Variants in PRPF39 observed in about 807,000 individuals in gnomAD.
PRPF39 encodes pre-mRNA-processing factor 39.
In PRPF39, 27 loss-of-function variants were observed where a neutral mutation model predicts 82.1. The observed-to-expected ratio is 0.33, with a 90% CI of 0.24 to 0.45. The LOEUF (loss-of-function observed/expected upper bound fraction) is 0.45. Among genes scored for constraint, PRPF39 ranks in the 20% least tolerant of loss-of-function variants. The pLI is 1.00. For missense variants in PRPF39, 581 were observed against 796.9 expected (o/e 0.73, Z 3.26); for synonymous variants, 261 against 256.4 (o/e 1.02, Z -0.17).
rs779535356 is a variant in PRPF39 at position 45,116,271 on chromosome 14, T to A, written c.*1358T>A. 6.2e-7 allele frequency: 1 copy of A among 1,604,266 alleles called. No homozygotes were observed. The highest frequency in any genetic ancestry group is 8.5e-7 in the Non-Finnish European group (1 of 1,171,252). ...TGGAATTCTGTTGAAGAAGTCAAGG[T>A]ACATTTGATAAAAAGTGCCTCTCCC... On this transcript the variant is annotated 3_prime_UTR_variant, in exon 14 of 14. Coordinates refer to ENST00000355765, the MANE Select transcript of PRPF39 (RefSeq NM_017922.4).
In PRPF39 at chr14:45,108,452, T is replaced by C. The variant is rs749790624; in HGVS notation, c.941T>C (p.Ile314Thr). 13 of 1,596,050 alleles carry C rather than the reference T, an allele frequency of 8.1e-6. No individual in the cohort carries two copies. In the Admixed American group the frequency reaches 1.8e-4, roughly 23 times the overall value. ...TEIENMRHRIIEIHQEMFNYN... is the reference protein window; with the variant it reads ...TEIENMRHRITEIHQEMFNYN... ...ATAGAAAACATGAGACATAGAATCA[T>C]TGAGATTCATCAAGAAATGTTTAAT... Residue 314 changes from isoleucine (I) to threonine (T), a missense_variant, in exon 7 of 14, where the codon ATT becomes ACT. By Grantham distance (89) the Ile-to-Thr change is moderately conservative. Coordinates refer to ENST00000355765, the MANE Select transcript of PRPF39 (RefSeq NM_017922.4).
chr14:45,087,740 A>ATT (rs35926249), intron 1 of PRPF39, among the ~76,000 whole-genome samples: 41 of 123,428 alleles, frequency 3.3e-4, no homozygotes, highest in African/African-American at 7.0e-4. Flanking sequence ...TGCCCGGCTA[A>ATT]TTTTTTTTTT....
intron 5 of PRPF39, among the ~76,000 whole-genome samples, chr14:45,106,884 A>G (rs1884549546): frequency 6.6e-6 from 1 of 152,204 alleles, no homozygotes; most frequent in Admixed American, 6.5e-5. Context: ...TTAATTTTAT[A>G]TATGAGGTAA....
At chr14:45,111,631 CTTTTTTTT>C (rs58863567) in intron 10 of PRPF39, among the ~76,000 whole-genome samples, 7 of 58,804 alleles carry the variant, frequency 1.2e-4, no homozygotes, top group Admixed American at 1.7e-4. Flanking sequence ...TGCACCTGGG[CTTTTTTTT>C]TTTTTTTTTT....
chr14:45,100,960 T>C (rs2035418586), intron 4 of PRPF39, among the ~76,000 whole-genome samples: 1 of 152,210 alleles, frequency 6.6e-6, no homozygotes, highest in Admixed American at 6.5e-5. Context: ...TGTCGTGAGA[T>C]AGACATTAGC....
At chr14:45,114,706 A>G (rs139365465) in intron 13 of PRPF39, 92 bp downstream of exon 13, 119 of 1,456,906 alleles carry the variant, frequency 8.2e-5, no homozygotes, top group Non-Finnish European at 1.1e-4. Flanking sequence ...TTTTGTTCCA[A>G]TTGTGTAATA....
intron 5 of PRPF39, 67 bp downstream of exon 5, chr14:45,102,763 A>T (rs561097332): frequency 1.5e-6 from 2 of 1,375,524 alleles, no homozygotes; most frequent in East Asian, 2.5e-5. Flanking sequence ...ATTAAGTATT[A>T]TAATTATCTT....
chr14:45,090,301 T>C (rs1650051547), intron 1 of PRPF39, among the ~76,000 whole-genome samples: 1 of 152,260 alleles, frequency 6.6e-6, no homozygotes, highest in Non-Finnish European at 1.5e-5. Context: ...TAATCATACA[T>C]TGAACTAGAA....
intron 5 of PRPF39, among the ~76,000 whole-genome samples, chr14:45,103,957 C>T (rs2139055423): frequency 6.6e-6 from 1 of 152,232 alleles, no homozygotes; most frequent in South Asian, 2.1e-4. Flanking sequence ...AGACACTGTG[C>T]TGAGTGCTTT....
intron 4 of PRPF39, among the ~76,000 whole-genome samples, chr14:45,097,886 C>G (rs1884250719): frequency 6.6e-6 from 1 of 152,170 alleles, no homozygotes; most frequent in African/African-American, 2.4e-5. Context: ...AAAGTACCAC[C>G]TCCACCTCCC....
chr14:45,099,016 G>T (rs1884289335), intron 4 of PRPF39, among the ~76,000 whole-genome samples: 1 of 152,176 alleles, frequency 6.6e-6, no homozygotes, highest in Admixed American at 6.5e-5. Context: ...TATAGCTTCT[G>T]CTATTGCTTT....
At chr14:45,114,410 CA>C in intron 12 of PRPF39, 83 bp from the exon 13 acceptor site, 1 of 1,423,318 alleles carries the variant, frequency 7.0e-7, no homozygotes, top group East Asian at 2.3e-5. Flanking sequence ...TTCAGTAAAA[CA>C]AATATACAGA....
At position 45,116,128 on chromosome 14, in the gene PRPF39, T is replaced by C. The variant is rs368824796; in HGVS notation, c.*1215T>C. 17 of 1,046,946 alleles carry C rather than the reference T, an allele frequency of 1.6e-5. No homozygotes were observed. The highest frequency in any genetic ancestry group is 2.5e-5 in the Non-Finnish European group (17 of 671,122). The allele number at this position is 1,046,946 out of a possible 1,614,324, so 64.9% of individuals were successfully genotyped here. ...TACAATAGTAACAAGTTCTAACTAG[T>C]TGTGTAAATTTCTTCAAGGCCAAGT... On this transcript the variant is annotated 3_prime_UTR_variant, in exon 14 of 14. Coordinates refer to ENST00000355765, the MANE Select transcript of PRPF39 (RefSeq NM_017922.4).
Position 45,107,541 on chromosome 14 carries a change from T to C in PRPF39, c.828T>C (p.Asn276=). The part of the protein sequence containing the change: ...IQLRRELASV[N]GHSGDDGPPG... ...TGCGAAGGGAATTAGCTTCTGTAAA[T>C]GGTCATAGTGGTGATGATGGTCCTC... Residue 276 remains asparagine, a synonymous_variant, in exon 6 of 14, where the codon AAT becomes AAC. Transcript: ENST00000355765. The C allele has an allele frequency of 6.4e-7, 1 of 1,555,822 alleles. No homozygotes were observed.
chr14:45,096,016 T>C, intron 2 of PRPF39, 87 bp from the exon 3 acceptor site: 1 of 1,218,456 alleles, frequency 8.2e-7, no homozygotes, highest in Non-Finnish European at 1.1e-6. Flanking sequence ...ATTATTATTT[T>C]TTTAGATAAT....
rs772988093 is a variant in PRPF39, at chr14:45,116,166, G to A, written c.*1253G>A. On this transcript the variant is annotated 3_prime_UTR_variant, in exon 14 of 14. Coordinates refer to ENST00000355765, the MANE Select transcript of PRPF39 (RefSeq NM_017922.4). Reference sequence around the variant, plus strand: ...TTCAAGGCCAAGTTTTATCATTGTTGCTAATATCCTTAGAGCTGAAGCACT... The same window carrying A: ...TTCAAGGCCAAGTTTTATCATTGTTACTAATATCCTTAGAGCTGAAGCACT... The A allele has an allele frequency of 6.6e-7, 1 of 1,508,952 alleles. No individual in the cohort carries two copies. The highest frequency in any genetic ancestry group is 9.2e-7 in the Non-Finnish European group (1 of 1,087,236). The allele number at this position is 1,508,952 out of a possible 1,614,324, so 93.5% of individuals were successfully genotyped here.
At chr14:45,095,822 G>T in intron 2 of PRPF39, 1 of 492,800 alleles carries the variant, frequency 2.0e-6, no homozygotes, top group Admixed American at 4.1e-5. Flanking sequence ...GAAATAAAAA[G>T]TTGGCAAAAT....
intron 7 of PRPF39, among the ~76,000 whole-genome samples, chr14:45,108,910 A>G (rs746025815): frequency 3.9e-5 from 6 of 152,198 alleles, no homozygotes; most frequent in Non-Finnish European, 7.4e-5. Flanking sequence ...TTACTGAGAT[A>G]TAATTCACAT....
chr14:45,084,552 G>A (rs1265608764), intron 1 of PRPF39, among the ~76,000 whole-genome samples: 1 of 152,206 alleles, frequency 6.6e-6, no homozygotes, highest in Non-Finnish European at 1.5e-5. Flanking sequence ...TAATTCTAAA[G>A]CCCTTGCTTC....
Sources: allele counts gnomAD v4.1 joint callset (sites outside exome capture counted in the v4.1 genomes callset), GRCh38; gene constraint gnomAD v4.1.1; transcripts MANE v1.5; gene names NCBI Gene and HGNC (gene_info 2026-07-23, HGNC 2026-07-21).